The following PAK3 variants were observed in gnomAD, a reference collection of about 807,000 sequenced individuals.
The protein encoded by PAK3 is p21 (RAC1) activated kinase 3.
A neutral mutation model predicts 41.0 loss-of-function variants in PAK3; 4 were observed. The observed-to-expected ratio is 0.10, with a 90% confidence interval of 0.05 to 0.22. The LOEUF is 0.22. Among genes scored for constraint, PAK3 ranks in the 10% least tolerant of loss-of-function variants. The pLI is 1.00. For synonymous variants in PAK3, 146 were observed against 139.6 expected (o/e 1.05, Z -0.32); for missense variants, 205 against 409.9 (o/e 0.50, Z 4.32).
chrX:111,139,446 A>G (rs890207259), intron 5 of PAK3, among the ~76,000 whole-genome samples: 21 of 110,054 alleles, frequency 1.9e-4, no homozygotes, highest in African/African-American at 7.3e-4. Flanking sequence ...TTTGAATTGC[A>G]TATTGGAGAG....
intron 13 of PAK3, among the ~76,000 whole-genome samples, chrX:111,193,627 G>A (rs746913541): frequency 8.1e-5 from 9 of 111,026 alleles, no homozygotes; most frequent in Non-Finnish European, 1.5e-4. Context: ...TGGGATTACA[G>A]GCGTGAGCCA....
intron 1 of PAK3, among the ~76,000 whole-genome samples, chrX:111,052,772 C>T (rs2092570409): frequency 8.9e-6 from 1 of 112,126 alleles, no homozygotes; most frequent in Non-Finnish European, 1.9e-5. Context: ...TGTATAAAGA[C>T]TTAAGTTGAT....
At chrX:111,180,398 G>A (rs192433135) in intron 11 of PAK3, among the ~76,000 whole-genome samples, 20 of 111,474 alleles carry the variant, frequency 1.8e-4, no homozygotes, top group Admixed American at 1.3e-3. Flanking sequence ...TTGTAATTCT[G>A]ACAGGTACTC....
At chrX:111,056,261 C>G (rs1298007133) in intron 1 of PAK3, among the ~76,000 whole-genome samples, 1 of 111,545 alleles carries the variant, frequency 9.0e-6, no homozygotes, top group African/African-American at 3.3e-5. Flanking sequence ...GATCTGAGAC[C>G]AGTCCCCAAG....
intron 1 of PAK3, among the ~76,000 whole-genome samples, chrX:111,050,583 A>G (rs6567933): frequency 0.017 from 1,851 of 112,128 alleles, 45 homozygotes; most frequent in African/African-American, 0.057. Flanking sequence ...GTGCCTTGCC[A>G]AGATGAAGGA....
chrX:111,209,126 C>A (rs1362902734), intron 16 of PAK3, among the ~76,000 whole-genome samples: 2 of 111,375 alleles, frequency 1.8e-5, no homozygotes, highest in Admixed American at 9.5e-5. Context: ...AGCTTATACA[C>A]AGTGTGCTTC....
chrX:110,976,800 C>G (rs780148056), intron 1 of PAK3, among the ~76,000 whole-genome samples: 116 of 111,055 alleles, frequency 1.0e-3, no homozygotes, highest in Non-Finnish European at 2.0e-3. Flanking sequence ...GAGTTCATGT[C>G]CTTTTCAGGG....
chrX:111,069,997 T>G (rs1001129787), intron 1 of PAK3, among the ~76,000 whole-genome samples: 1 of 111,869 alleles, frequency 8.9e-6, no homozygotes, highest in African/African-American at 3.3e-5. Context: ...TTCTGCCAGA[T>G]AGCCCTATGC....
upstream of PAK3, among the ~76,000 whole-genome samples, chrX:111,093,647 G>T (rs758772846): frequency 2.7e-5 from 3 of 112,228 alleles, no homozygotes; most frequent in African/African-American, 6.5e-5. Context: ...CCCTAGGCTT[G>T]GGTCTTAAGT....
chrX:111,073,984 C>T (rs2092765412), intron 1 of PAK3, among the ~76,000 whole-genome samples: 1 of 111,829 alleles, frequency 8.9e-6, no homozygotes, highest in Non-Finnish European at 1.9e-5. Flanking sequence ...ATAAATTCAA[C>T]AGCACATTAA....
Position 110,976,985 on chromosome X carries a change from C to T in PAK3, c.-28+32357C>T, listed in dbSNP as rs182085303. The stretch of plus-strand genomic sequence containing the variant: ...GGTTGGGGGGCTGGGGGAAGGATAG[C>T]ATTAGGAGAAATATCTAATGTAAAT... On this transcript the variant is annotated intron_variant, in intron 1 of 14. Transcript: ENST00000425146. Among the ~76,000 whole-genome samples the T allele has an allele frequency of 2.1e-3, 228 of 110,062 alleles. 1 individual carries two copies. Among genetic ancestry groups the T allele is most frequent in the African/African-American group, 7.2e-3 (217 of 30,217 alleles).
chrX:111,194,116 A>G, intron 13 of PAK3, among the ~76,000 whole-genome samples, 185 bp from the exon 14 acceptor site: 1 of 111,728 alleles, frequency 9.0e-6, no homozygotes, highest in Non-Finnish European at 1.9e-5. Flanking sequence ...TGCCTGAATT[A>G]TAGGGCTCTG....
chrX:111,015,991 C>A (rs1420759083), intron 1 of PAK3, among the ~76,000 whole-genome samples: 2 of 111,849 alleles, frequency 1.8e-5, no homozygotes, highest in East Asian at 5.6e-4. Context: ...TATTTTTGCT[C>A]TTTAGTGTTA....
chrX:111,187,618 T>C (rs1050159925), intron 11 of PAK3, among the ~76,000 whole-genome samples: 8 of 111,202 alleles, frequency 7.2e-5, no homozygotes, highest in African/African-American at 1.6e-4. Context: ...TTGAGATCTC[T>C]TGAAGGAGAG....
intron 11 of PAK3, among the ~76,000 whole-genome samples, chrX:111,177,601 T>C (rs2094419829): frequency 8.9e-6 from 1 of 112,121 alleles, no homozygotes; most frequent in African/African-American, 3.2e-5. Context: ...CTCAACAACA[T>C]GAGTTTGTCA....
At chrX:111,136,124 T>C (rs1232769866) in intron 5 of PAK3, among the ~76,000 whole-genome samples, 1 of 111,442 alleles carries the variant, frequency 9.0e-6, no homozygotes, top group Non-Finnish European at 1.9e-5. Context: ...AGTCCCTCCA[T>C]TTATCTCAGT....
At chrX:111,049,835 C>A (rs1489627772) in intron 1 of PAK3, among the ~76,000 whole-genome samples, 1 of 111,703 alleles carries the variant, frequency 9.0e-6, no homozygotes, top group Non-Finnish European at 1.9e-5. Context: ...GAGAGAAAAA[C>A]TGCTGGTAGG....
At chrX:111,119,496 T>A (rs1056505427) in intron 4 of PAK3, among the ~76,000 whole-genome samples, 1 of 112,042 alleles carries the variant, frequency 8.9e-6, no homozygotes, top group African/African-American at 3.2e-5. Flanking sequence ...ACTTTAAAGA[T>A]AAACAGTTTT....
chrX:111,082,335 T>C (rs2092841722), intron 1 of PAK3, among the ~76,000 whole-genome samples: 2 of 111,723 alleles, frequency 1.8e-5, no homozygotes, highest in Non-Finnish European at 3.8e-5. Context: ...TCAGTGAAAT[T>C]TGAGTTATGA....
Sources: allele counts gnomAD v4.1 joint callset (sites outside exome capture counted in the v4.1 genomes callset), GRCh38; gene constraint gnomAD v4.1.1; transcripts MANE v1.5; gene names NCBI Gene and HGNC (gene_info 2026-07-23, HGNC 2026-07-21).